KAT2B: variants seen among roughly 807,000 people sequenced by gnomAD.
The protein encoded by KAT2B is lysine acetyltransferase 2B, also known as histone acetyltransferase KAT2B.
A neutral mutation model predicts 105.9 loss-of-function variants in KAT2B; 36 were observed. That is an observed-to-expected ratio of 0.34 (90% CI 0.26 to 0.45). The LOEUF (loss-of-function observed/expected upper bound fraction) is 0.45. Ranked by LOEUF, KAT2B falls within the 20% of genes least tolerant of loss-of-function variation. The pLI is 1.00. For missense variants in KAT2B, 820 were observed against 1,021.6 expected (o/e 0.80, Z 2.69); for synonymous variants, 397 against 377.9 (o/e 1.05, Z -0.59).
At chr3:20,070,322 T>C (rs199926602) in intron 1 of KAT2B, among the ~76,000 whole-genome samples, 169 of 145,262 alleles carry the variant, frequency 1.2e-3, no homozygotes, top group East Asian at 1.6e-3. Context: ...TTTTTTTTTT[T>C]TGAGATGGAG....
chr3:20,102,875 C>G (rs1451790382), intron 5 of KAT2B, among the ~76,000 whole-genome samples: 4 of 152,116 alleles, frequency 2.6e-5, no homozygotes, highest in African/African-American at 9.7e-5. Flanking sequence ...CTTTTGATAG[C>G]CTGTCAAGAC....
intron 13 of KAT2B, among the ~76,000 whole-genome samples, chr3:20,145,521 T>C (rs976095862): frequency 2.0e-5 from 3 of 151,368 alleles, no homozygotes; most frequent in Admixed American, 6.6e-5. Flanking sequence ...AATTTCGTTA[T>C]GATATGTTTA....
At chr3:20,095,567 G>A (rs551183521) in intron 3 of KAT2B, among the ~76,000 whole-genome samples, 159 bp downstream of exon 3, 41 of 152,222 alleles carry the variant, frequency 2.7e-4, no homozygotes, top group African/African-American at 9.6e-4. Context: ...CTCTAAAATG[G>A]CCCACCATAG....
intron 13 of KAT2B, 31 bp from the exon 14 acceptor site, chr3:20,146,285 C>T (rs891389073): frequency 4.7e-6 from 6 of 1,286,282 alleles, no homozygotes; most frequent in Non-Finnish European, 6.8e-6. Flanking sequence ...GACTTCTTTC[C>T]CTAAACACAT....
At chr3:20,142,169 G>A (rs1052861490) in intron 13 of KAT2B, among the ~76,000 whole-genome samples, 1 of 152,156 alleles carries the variant, frequency 6.6e-6, no homozygotes, top group East Asian at 1.9e-4. Context: ...AACCTACAGG[G>A]GAACGCCAGA....
At chr3:20,063,523 T>C (rs1274853384) in intron 1 of KAT2B, among the ~76,000 whole-genome samples, 2 of 146,058 alleles carry the variant, frequency 1.4e-5, no homozygotes, top group South Asian at 2.2e-4. Context: ...CAGCAACTTC[T>C]GAGTAGGCCT....
chr3:20,070,879 C>T (rs1489334753), intron 1 of KAT2B, among the ~76,000 whole-genome samples: 9 of 151,448 alleles, frequency 5.9e-5, no homozygotes, highest in African/African-American at 2.2e-4. Context: ...TGTGGTGGTG[C>T]ATGCCAGTAA....
intron 2 of KAT2B, among the ~76,000 whole-genome samples, chr3:20,079,352 C>T (rs1292611353): frequency 6.6e-6 from 1 of 151,814 alleles, no homozygotes; most frequent in Non-Finnish European, 1.5e-5. Context: ...TTACAGGCAC[C>T]CACCACCATG....
intron 2 of KAT2B, among the ~76,000 whole-genome samples, chr3:20,094,400 G>C (rs764248956): frequency 3.9e-4 from 59 of 152,144 alleles, no homozygotes; most frequent in Non-Finnish European, 6.0e-4. Context: ...CTTGACATGT[G>C]GGGATTGCAA....
intron 7 of KAT2B, 107 bp from the exon 8 acceptor site, chr3:20,119,491 T>TTA (rs1699268214): frequency 1.8e-6 from 2 of 1,125,708 alleles, no homozygotes; most frequent in East Asian, 2.4e-5. Flanking sequence ...AGATGACTTA[T>TTA]TTTGTGGCAT....
intron 2 of KAT2B, among the ~76,000 whole-genome samples, chr3:20,079,160 C>T (rs1486000595): frequency 6.7e-6 from 1 of 150,082 alleles, no homozygotes; most frequent in Non-Finnish European, 1.5e-5. Context: ...CTCGGCCTCT[C>T]AAAGTGCTGG....
intron 1 of KAT2B, among the ~76,000 whole-genome samples, chr3:20,071,749 A>T (rs1006627729): frequency 2.0e-5 from 3 of 152,226 alleles, no homozygotes; most frequent in Admixed American, 6.5e-5. Flanking sequence ...GTAGAAACCC[A>T]GGACTACATG....
chr3:20,053,276 G>T (rs1697946536), intron 1 of KAT2B, among the ~76,000 whole-genome samples: 1 of 152,138 alleles, frequency 6.6e-6, no homozygotes, highest in Non-Finnish European at 1.5e-5. Flanking sequence ...GTAATCCCAG[G>T]TGTGGGATCC....
At chr3:20,079,858 G>T (rs908532880) in intron 2 of KAT2B, among the ~76,000 whole-genome samples, 1 of 152,148 alleles carries the variant, frequency 6.6e-6, no homozygotes, top group Non-Finnish European at 1.5e-5. Context: ...TTCAGATGCC[G>T]GTTTCAGAGT....
At chr3:20,111,893 C>T in intron 6 of KAT2B, 106 bp downstream of exon 6, 7 of 881,314 alleles carry the variant, frequency 7.9e-6, no homozygotes, top group Non-Finnish European at 1.2e-5. Flanking sequence ...ACAGAAGAAA[C>T]ATTCCAAGGG....
chr3:20,092,797 G>A (rs1217063672), intron 2 of KAT2B, among the ~76,000 whole-genome samples: 2 of 151,962 alleles, frequency 1.3e-5, no homozygotes, highest in East Asian at 1.9e-4. Flanking sequence ...CGCCTCCTGG[G>A]TTCAAGCAAT....
chr3:20,114,782 G>T, intron 6 of KAT2B, 100 bp from the exon 7 acceptor site: 1 of 653,574 alleles, frequency 1.5e-6, no homozygotes, highest in Admixed American at 2.8e-5. Context: ...CTGATTGAAG[G>T]TTTGAGACGC....
At chr3:20,151,545 G>A (rs1005349536) in intron 17 of KAT2B, among the ~76,000 whole-genome samples, 1 of 151,986 alleles carries the variant, frequency 6.6e-6, no homozygotes, top group African/African-American at 2.4e-5. Context: ...ACCATAAATA[G>A]ACAAATGTTA....
chr3:20,141,831 G>A (rs1160159262), intron 13 of KAT2B, among the ~76,000 whole-genome samples: 5 of 104,696 alleles, frequency 4.8e-5, no homozygotes, highest in Admixed American at 4.2e-4. Context: ...GTTGCTTTTT[G>A]TTCAAAGATG....
Sources: allele counts gnomAD v4.1 joint callset (sites outside exome capture counted in the v4.1 genomes callset), GRCh38; gene constraint gnomAD v4.1.1; transcripts MANE v1.5; gene names NCBI Gene and HGNC (gene_info 2026-07-23, HGNC 2026-07-21).